Variants in VPS53 observed in about 807,000 individuals in gnomAD.
VPS53 encodes the protein VPS53 subunit of GARP complex, also known as vacuolar protein sorting-associated protein 53 homolog.
Under a neutral mutation model 107.0 loss-of-function variants are expected in VPS53, and 70 were observed. That is an observed-to-expected ratio of 0.65 (90% CI 0.54 to 0.80). The LOEUF (loss-of-function observed/expected upper bound fraction) is 0.80, where lower values mean the gene tolerates loss of function less well. Ranked by LOEUF, VPS53 falls within the 30% of genes least tolerant of loss-of-function variation. The probability of loss-of-function intolerance (pLI) is 0.00; values close to 1 mark genes in which losing one functional copy is unlikely to be tolerated. For missense variants in VPS53, 917 were observed against 1,049.4 expected (o/e 0.87, Z 1.74); for synonymous variants, 409 against 393.3 (o/e 1.04, Z -0.47).
chr17:627,792 A>G (rs1264543151), intron 9 of VPS53, among the ~76,000 whole-genome samples: 6 of 152,108 alleles, frequency 3.9e-5, no homozygotes, highest in African/African-American at 1.4e-4. Flanking sequence ...ACACACACAC[A>G]CACACAAAAT....
intron 2 of VPS53, among the ~76,000 whole-genome samples, chr17:707,274 C>T (rs1015222824): frequency 6.6e-6 from 1 of 152,218 alleles, no homozygotes; most frequent in African/African-American, 2.4e-5. Flanking sequence ...GTCATCCCAG[C>T]ACTTTGGGAG....
At chr17:654,736 CAA>C (rs35308893) in intron 6 of VPS53, among the ~76,000 whole-genome samples, 8 of 67,516 alleles carry the variant, frequency 1.2e-4, no homozygotes, top group Non-Finnish European at 2.1e-4. Context: ...GACTCCAACT[CAA>C]AAAAAAAAAA....
chr17:672,175 ATCTCTC>A (rs10539620), intron 4 of VPS53, among the ~76,000 whole-genome samples: 4,468 of 107,120 alleles, frequency 0.042, 160 homozygotes, highest in East Asian at 0.11. Flanking sequence ...CACAATCTCA[ATCTCTC>A]TCTCTCTCTC....
intron 7 of VPS53, among the ~76,000 whole-genome samples, chr17:636,973 A>G (rs1484912366): frequency 6.6e-6 from 1 of 152,048 alleles, no homozygotes; most frequent in African/African-American, 2.4e-5. Context: ...TATTGATTGG[A>G]ATAGTTTCAG....
intron 4 of VPS53, among the ~76,000 whole-genome samples, chr17:680,973 G>A (rs780219971): frequency 7.9e-5 from 12 of 152,158 alleles, no homozygotes; most frequent in Non-Finnish European, 1.5e-4. Flanking sequence ...ATATACCAAT[G>A]TTGGAGATTA....
At chr17:632,758 G>C (rs1406016824) in intron 7 of VPS53, 1 of 456,350 alleles carries the variant, frequency 2.2e-6, no homozygotes, top group Admixed American at 2.3e-5. Flanking sequence ...GTGAGAACAT[G>C]AGGAATCTGT....
intron 7 of VPS53, among the ~76,000 whole-genome samples, chr17:642,034 A>T (rs562375382): frequency 6.6e-6 from 1 of 152,360 alleles, no homozygotes; most frequent in African/African-American, 2.4e-5. Flanking sequence ...GACAGACAGC[A>T]AATTATGAAC....
intron 11 of VPS53, among the ~76,000 whole-genome samples, chr17:610,367 T>C (rs974819653): frequency 2.0e-5 from 3 of 152,012 alleles, no homozygotes; most frequent in South Asian, 2.1e-4. Context: ...TGAGTTAATA[T>C]GGAAATTAAC....
chr17:698,404 G>C, intron 3 of VPS53, among the ~76,000 whole-genome samples: 1 of 148,870 alleles, frequency 6.7e-6, no homozygotes, highest in East Asian at 2.0e-4. Flanking sequence ...CTGCACTCTA[G>C]CCTGGGTGAC....
At chr17:660,489 T>C (rs759425078) in intron 5 of VPS53, among the ~76,000 whole-genome samples, 2 of 152,130 alleles carry the variant, frequency 1.3e-5, no homozygotes, top group Non-Finnish European at 2.9e-5. Flanking sequence ...ACCCCCTCGG[T>C]TGGAAGAGGA....
intron 7 of VPS53, among the ~76,000 whole-genome samples, chr17:636,525 C>T (rs573170880): frequency 1.3e-5 from 2 of 152,280 alleles, no homozygotes; most frequent in South Asian, 4.1e-4. Context: ...CCAGTTTTTG[C>T]CCATTCAGTA....
intron 7 of VPS53, among the ~76,000 whole-genome samples, chr17:645,845 G>C (rs1052950471): frequency 1.5e-5 from 2 of 136,260 alleles, no homozygotes; most frequent in African/African-American, 5.1e-5. Context: ...TCACGGACTG[G>C]AGACTGGCTC....
At chr17:593,413 A>C (rs1463226666) in intron 12 of VPS53, among the ~76,000 whole-genome samples, 2 of 152,214 alleles carry the variant, frequency 1.3e-5, no homozygotes, top group African/African-American at 4.8e-5. Context: ...TACTCATCTG[A>C]CAAAGGGCTA....
chr17:569,392 A>G (rs534759711), intron 13 of VPS53, among the ~76,000 whole-genome samples: 1 of 152,350 alleles, frequency 6.6e-6, no homozygotes, highest in African/African-American at 2.4e-5. Flanking sequence ...ACATCAGGGG[A>G]AGTTGGGTGA....
At chr17:611,827 G>A (rs1048460391) in intron 11 of VPS53, among the ~76,000 whole-genome samples, 23 of 151,300 alleles carry the variant, frequency 1.5e-4, no homozygotes, top group African/African-American at 5.6e-4. Flanking sequence ...TTCAAATAGT[G>A]AATTCACACA....
chr17:714,600 C>G (rs1973778143), intron 1 of VPS53, 23 bp downstream of exon 1: 2 of 1,601,566 alleles, frequency 1.2e-6, no homozygotes, highest in Non-Finnish European at 8.5e-7. Flanking sequence ...CCCGTTTCCC[C>G]TCCTGAGGGG....
intron 4 of VPS53, chr17:673,668 C>T (rs1436247098): frequency 1.3e-5 from 2 of 152,206 alleles, no homozygotes; most frequent in African/African-American, 2.4e-5. Context: ...GATGTTTACA[C>T]AAATTCCTCC....
Position 643,417 on chromosome 17 carries a change from C to T in VPS53, c.608+9874G>A, listed in dbSNP as rs566565357. On this transcript the variant is annotated intron_variant, in intron 7 of 21. Coordinates refer to ENST00000437048, the MANE Select transcript of VPS53 (RefSeq NM_001128159.3). Reference sequence around the variant, plus strand: ...GAGGACAATACTCATACTTGGAAAGCGAGGACAACACTCATACTTGGAAAG... The same window carrying T: ...GAGGACAATACTCATACTTGGAAAGTGAGGACAACACTCATACTTGGAAAG... Among the ~76,000 whole-genome samples, 1,010 of 148,386 alleles carry T rather than the reference C, an allele frequency of 6.8e-3. 13 individuals carry two copies. Among genetic ancestry groups the T allele is most frequent in the African/African-American group, 0.024 (942 of 39,546 alleles).
In VPS53 at chr17:532,822, TGATA is replaced by T; in HGVS notation, c.2085+16_2085+19del. ...CAACAAAAGCTGCCAGGCAAATGCC[TGATA>T]CTACGTCCATCTCACCTGTTCTGCT... is the stretch of plus-strand genomic sequence containing the variant. On this transcript the variant is annotated intron_variant, in intron 19 of 21. Coordinates refer to ENST00000437048, the MANE Select transcript of VPS53 (RefSeq NM_001128159.3). 1 of 1,613,260 alleles carries T rather than the reference TGATA, an allele frequency of 6.2e-7. No individual in the cohort carries two copies. The highest frequency in any genetic ancestry group is 8.5e-7 in the Non-Finnish European group (1 of 1,179,464).
Sources: allele counts gnomAD v4.1 joint callset (sites outside exome capture counted in the v4.1 genomes callset), GRCh38; gene constraint gnomAD v4.1.1; transcripts MANE v1.5; gene names NCBI Gene and HGNC (gene_info 2026-07-23, HGNC 2026-07-21).